Variants in CDH13 observed in about 807,000 individuals in gnomAD.
CDH13 encodes the protein cadherin-13.
Under a neutral mutation model 63.8 loss-of-function variants are expected in CDH13, and 24 were observed. The ratio of observed to expected loss-of-function variants is 0.38; its 90% confidence interval spans 0.27 to 0.53. The LOEUF (loss-of-function observed/expected upper bound fraction) is 0.53, where lower values mean the gene tolerates loss of function less well. Among genes scored for constraint, CDH13 ranks in the 20% least tolerant of loss-of-function variants. The pLI is 0.85. For missense variants in CDH13, 1,049 were observed against 903.1 expected (o/e 1.16, Z -2.07); for synonymous variants, 503 against 355.3 (o/e 1.42, Z -4.67).
chr16:83,728,285 G>A (rs1367524908), intron 10 of CDH13, among the ~76,000 whole-genome samples: 3 of 151,672 alleles, frequency 2.0e-5, no homozygotes, highest in South Asian at 2.1e-4. Context: ...AGCCGTAAGC[G>A]GTGTGATTCG....
chr16:82,790,908 G>C (rs1033248739), intron 1 of CDH13, among the ~76,000 whole-genome samples: 2 of 152,180 alleles, frequency 1.3e-5, no homozygotes, highest in Admixed American at 6.5e-5. Context: ...TTGTGGGTGA[G>C]AGACAGGACT....
At chr16:83,194,906 T>A (rs527438706) in intron 4 of CDH13, among the ~76,000 whole-genome samples, 22 of 152,304 alleles carry the variant, frequency 1.4e-4, no homozygotes, top group African/African-American at 4.6e-4. Flanking sequence ...TTCATTGATG[T>A]GCATTCTCCT....
At position 83,795,399 on chromosome 16, in the gene CDH13, C is replaced by G. The variant is rs1904276460; in HGVS notation, c.*369C>G. The G allele has an allele frequency of 4.0e-6, 1 of 247,764 alleles. No homozygotes were observed. The highest frequency in any genetic ancestry group is 7.9e-6 in the Non-Finnish European group (1 of 126,368). The allele number at this position is 247,764 out of a possible 1,614,324, so 15.3% of individuals were successfully genotyped here. ...TTAGTATTGGTGTATGTATGAGTAT[C>G]TGTATGTATATATACACGGTATTTA... On this transcript the variant is annotated 3_prime_UTR_variant, in exon 14 of 14. Coordinates refer to ENST00000567109, the MANE Select transcript of CDH13 (RefSeq NM_001257.5).
intron 2 of CDH13, among the ~76,000 whole-genome samples, chr16:82,929,031 G>T (rs2042393836): frequency 6.6e-6 from 1 of 152,134 alleles, no homozygotes; most frequent in South Asian, 2.1e-4. Flanking sequence ...TGTAGTTGTA[G>T]TGATGACTTT....
intron 3 of CDH13, among the ~76,000 whole-genome samples, chr16:83,069,175 A>C (rs1278287165): frequency 6.6e-6 from 1 of 152,146 alleles, no homozygotes; most frequent in Non-Finnish European, 1.5e-5. Flanking sequence ...TATTTTTGTC[A>C]ATGCGCATTT....
At chr16:83,517,290 A>T (rs978071247) in intron 7 of CDH13, among the ~76,000 whole-genome samples, 1 of 152,236 alleles carries the variant, frequency 6.6e-6, no homozygotes, top group African/African-American at 2.4e-5. Flanking sequence ...TTGAAATATT[A>T]ATCAGGGCTA....
chr16:82,746,824 G>T (rs542201636), intron 1 of CDH13, among the ~76,000 whole-genome samples: 65 of 152,246 alleles, frequency 4.3e-4, no homozygotes, highest in East Asian at 7.7e-4. Flanking sequence ...CATTTGCTTT[G>T]TTTTGGTGTG....
chr16:83,008,818 T>G (rs1913817136), intron 2 of CDH13, among the ~76,000 whole-genome samples: 1 of 152,184 alleles, frequency 6.6e-6, no homozygotes, highest in African/African-American at 2.4e-5. Context: ...AATAAAGACA[T>G]GCCCAAGACT....
chr16:82,867,896 C>A (rs987981488), intron 2 of CDH13, among the ~76,000 whole-genome samples: 1 of 152,178 alleles, frequency 6.6e-6, no homozygotes, highest in Non-Finnish European at 1.5e-5. Flanking sequence ...AGGCTTTTAT[C>A]TGTCTACATT....
At chr16:82,978,561 A>T (rs1180456574) in intron 2 of CDH13, among the ~76,000 whole-genome samples, 6 of 152,256 alleles carry the variant, frequency 3.9e-5, no homozygotes, top group African/African-American at 1.4e-4. Context: ...GCCAAGGTAC[A>T]GCTCAGGTTG....
At chr16:82,832,974 A>G (rs1424525467) in intron 1 of CDH13, among the ~76,000 whole-genome samples, 1 of 152,202 alleles carries the variant, frequency 6.6e-6, no homozygotes, top group East Asian at 1.9e-4. Context: ...AACTGCAGCC[A>G]TGGATTAGCA....
At chr16:83,551,054 T>TATC (rs1555571871) in intron 7 of CDH13, among the ~76,000 whole-genome samples, 4 of 11,300 alleles carry the variant, frequency 3.5e-4, no homozygotes, top group African/African-American at 9.1e-4. Flanking sequence ...CTTAAGTCAT[T>TATC]TATATCTATC....
intron 10 of CDH13, chr16:83,717,083 A>T (rs2150930925): frequency 6.6e-6 from 1 of 152,264 alleles, no homozygotes; most frequent in Admixed American, 6.5e-5. Flanking sequence ...AACATGGTGA[A>T]GCCCCGTCTC....
intron 7 of CDH13, among the ~76,000 whole-genome samples, chr16:83,598,836 A>G (rs1401319288): frequency 6.6e-6 from 1 of 152,230 alleles, no homozygotes; most frequent in Non-Finnish European, 1.5e-5. Context: ...TACTAGCTCC[A>G]GATGGATGCC....
intron 3 of CDH13, among the ~76,000 whole-genome samples, chr16:83,067,792 C>G (rs1273472698): frequency 6.6e-6 from 1 of 152,170 alleles, no homozygotes; most frequent in Non-Finnish European, 1.5e-5. Context: ...TGGTTCCTCT[C>G]CTTCCGTCAG....
At chr16:82,946,111 G>A (rs138434387) in intron 2 of CDH13, among the ~76,000 whole-genome samples, 1 of 151,766 alleles carries the variant, frequency 6.6e-6, no homozygotes, top group African/African-American at 2.4e-5. Context: ...CTGATCTTTT[G>A]CCCTCCCCTG....
intron 7 of CDH13, among the ~76,000 whole-genome samples, chr16:83,589,323 C>G (rs1906508158): frequency 7.2e-6 from 1 of 137,958 alleles, no homozygotes; most frequent in African/African-American, 2.7e-5. Context: ...CTCTCCCCCT[C>G]CCTCTTTCTC....
chr16:83,708,398 G>C (rs1424592181), intron 10 of CDH13, among the ~76,000 whole-genome samples: 1 of 152,168 alleles, frequency 6.6e-6, no homozygotes, highest in Non-Finnish European at 1.5e-5. Context: ...TGGAAGTGGG[G>C]TTAAGCCAGT....
chr16:82,810,566 C>T (rs1325032171), intron 1 of CDH13, among the ~76,000 whole-genome samples: 1 of 152,080 alleles, frequency 6.6e-6, no homozygotes, highest in Non-Finnish European at 1.5e-5. Context: ...AGTAGCGTGG[C>T]CGTGGATGTG....
Sources: gnomAD v4.1 joint callset for allele counts (sites outside exome capture counted in the v4.1 genomes callset) on GRCh38, gnomAD v4.1.1 for gene constraint, MANE v1.5 for transcripts, NCBI Gene and HGNC (gene_info 2026-07-23, HGNC 2026-07-21) for gene names.